The following C2CD5 variants were observed in gnomAD, a reference collection of about 807,000 sequenced individuals.
The protein encoded by C2CD5 is C2 domain-containing protein 5.
C2CD5 carries 109 observed loss-of-function variants against 130.3 expected under a neutral mutation model. The ratio of observed to expected loss-of-function variants is 0.84; its 90% CI spans 0.72 to 0.98. The LOEUF is 0.98. Among genes scored for constraint, C2CD5 ranks in the 50% least tolerant of loss-of-function variants. The probability of loss-of-function intolerance (pLI) is 0.00; values close to 1 mark genes in which losing one functional copy is unlikely to be tolerated. For missense variants in C2CD5, 996 were observed against 1,261.8 expected, an observed-to-expected ratio of 0.79 and a Z score of 3.19; for synonymous variants, 454 against 429.2, an observed-to-expected ratio of 1.06 and a Z score of -0.71.
chr12:22,537,277 G>C (rs1354524117), intron 2 of C2CD5, among the ~76,000 whole-genome samples: 1 of 152,166 alleles, frequency 6.6e-6, no homozygotes, highest in Non-Finnish European at 1.5e-5. Context: ...CAGCCAGGCA[G>C]GGTGGTGCGT....
intron 10 of C2CD5, among the ~76,000 whole-genome samples, chr12:22,504,275 A>C (rs931178572): frequency 6.6e-6 from 1 of 151,870 alleles, no homozygotes; most frequent in African/African-American, 2.4e-5. Context: ...ACATGGAAGC[A>C]ACAAAATAAA....
intron 5 of C2CD5, 92 bp downstream of exon 5, chr12:22,525,518 G>T: frequency 1.3e-6 from 1 of 762,010 alleles, no homozygotes; most frequent in Non-Finnish European, 2.3e-6. Flanking sequence ...AAGTACAATA[G>T]CTTTTCTACT....
At chr12:22,500,805 T>C (rs1591862274) in intron 10 of C2CD5, among the ~76,000 whole-genome samples, 1 of 148,146 alleles carries the variant, frequency 6.8e-6, no homozygotes, top group East Asian at 1.9e-4. Context: ...ATATTTAATA[T>C]GGTGGTATAT....
chr12:22,467,173 T>A (rs1942215629), intron 22 of C2CD5, among the ~76,000 whole-genome samples: 1 of 151,748 alleles, frequency 6.6e-6, no homozygotes, highest in Non-Finnish European at 1.5e-5. Context: ...GAAATCATTT[T>A]TTATTCTGTT....
rs78258208 is a variant in C2CD5 at position 22,504,988 on chromosome 12, A to G, written c.1147+1723T>C. On this transcript the variant is annotated intron_variant, in intron 10 of 26. Coordinates refer to ENST00000446597, the MANE Select transcript of C2CD5 (RefSeq NM_001286176.2). ...AAAAAAACTAAAGAAGGGGAAAAAAAGAGAAAACCAGTGCTTAGAAGATGC... is the reference window on the plus strand; with the variant it reads ...AAAAAAACTAAAGAAGGGGAAAAAAGGAGAAAACCAGTGCTTAGAAGATGC... 6.4e-3 allele frequency among the ~76,000 whole-genome samples: 979 copies of G among 152,254 alleles called. 12 individuals carry two copies. The highest frequency in any genetic ancestry group is 0.023 in the African/African-American group (938 of 41,546).
chr12:22,502,188 A>G (rs2136641682), intron 10 of C2CD5, among the ~76,000 whole-genome samples: 1 of 152,218 alleles, frequency 6.6e-6, no homozygotes, highest in Middle Eastern at 3.4e-3. Flanking sequence ...TGGAAAGGGA[A>G]GGAGGAAAGT....
chr12:22,489,235 A>T (rs1389520742), intron 12 of C2CD5, among the ~76,000 whole-genome samples: 1 of 151,850 alleles, frequency 6.6e-6, no homozygotes, highest in South Asian at 2.1e-4. Flanking sequence ...GGAAGTAAAT[A>T]GGCACACTGT....
At chr12:22,493,124 C>G in intron 11 of C2CD5, 99 bp downstream of exon 11, 1 of 688,132 alleles carries the variant, frequency 1.5e-6, no homozygotes, top group Non-Finnish European at 2.5e-6. Context: ...CTCCTGAACA[C>G]TTCGCTATTC....
intron 7 of C2CD5, among the ~76,000 whole-genome samples, chr12:22,519,589 T>G (rs922956729): frequency 6.6e-6 from 1 of 152,140 alleles, no homozygotes; most frequent in African/African-American, 2.4e-5. Flanking sequence ...TAGAACTTAC[T>G]ATGCACTATT....
chr12:22,518,592 C>T (rs773021809), intron 7 of C2CD5, among the ~76,000 whole-genome samples: 9 of 152,086 alleles, frequency 5.9e-5, no homozygotes, highest in Non-Finnish European at 1.0e-4. Context: ...AGTGCCACAG[C>T]TAAAAACACA....
intron 3 of C2CD5, among the ~76,000 whole-genome samples, chr12:22,533,712 G>A (rs1273386541): frequency 6.6e-6 from 1 of 152,158 alleles, no homozygotes; most frequent in East Asian, 1.9e-4. Flanking sequence ...AAGAGACCTG[G>A]GTGAGGAGAT....
intron 15 of C2CD5, among the ~76,000 whole-genome samples, chr12:22,476,867 A>T (rs1943915844): frequency 6.6e-6 from 1 of 152,080 alleles, no homozygotes; most frequent in South Asian, 2.1e-4. Flanking sequence ...TTTACAAATC[A>T]TTTTTCCCAA....
intron 2 of C2CD5, among the ~76,000 whole-genome samples, chr12:22,541,316 C>T (rs1385433999): frequency 6.6e-6 from 1 of 152,158 alleles, no homozygotes; most frequent in African/African-American, 2.4e-5. Flanking sequence ...ATAACATTAC[C>T]TGTTATTTGA....
intron 24 of C2CD5, among the ~76,000 whole-genome samples, chr12:22,458,122 C>CTAAATAA (rs1940333819): frequency 1.3e-5 from 2 of 152,114 alleles, no homozygotes; most frequent in Admixed American, 1.3e-4. Context: ...CTGCATATCA[C>CTAAATAA]ACTTAATAAA....
intron 24 of C2CD5, among the ~76,000 whole-genome samples, 191 bp from the exon 25 acceptor site, chr12:22,457,352 G>A (rs1940111768): frequency 1.3e-5 from 2 of 152,118 alleles, no homozygotes; most frequent in South Asian, 4.1e-4. Flanking sequence ...AGGAAATGCT[G>A]GAATGGAATT....
At chr12:22,534,261 T>G (rs570988638) in intron 3 of C2CD5, among the ~76,000 whole-genome samples, 1 of 152,138 alleles carries the variant, frequency 6.6e-6, no homozygotes, top group Non-Finnish European at 1.5e-5. Flanking sequence ...ATCCATGACC[T>G]ACATATAGGA....
Position 22,508,945 on chromosome 12 carries a change from C to T in C2CD5, c.1039-2126G>A, listed in dbSNP as rs1002459554. 3.3e-5 allele frequency among the ~76,000 whole-genome samples: 5 copies of T among 151,062 alleles called. No individual in the cohort carries two copies. The East Asian group carries it at 5.9e-4, about 18-fold the overall frequency. ...ACTGCGGACTGCAGTGGCGCAATCT[C>T]GGCTCACTGCAAGCTCCGCTTCCCG... On this transcript the variant is annotated intron_variant, in intron 9 of 26. Transcript: ENST00000446597.
rs1373419080 is a variant in C2CD5, at chr12:22,448,692, TG to T, written c.*1067del. ...GACTCTTAAGGGCAGTTTGTTGTCCTGGGGGAAAAAATCATAAGTGTTATAA... is the reference window on the plus strand; with the variant it reads ...GACTCTTAAGGGCAGTTTGTTGTCCTGGGGAAAAAATCATAAGTGTTATAA... On this transcript the variant is annotated 3_prime_UTR_variant, in exon 27 of 27. Transcript: ENST00000446597. 1 of 152,522 alleles carries T rather than the reference TG, an allele frequency of 6.6e-6. No homozygotes were observed. Among genetic ancestry groups the T allele is most frequent in the Non-Finnish European group, 1.5e-5 (1 of 68,004 alleles). 9.4% of individuals were successfully genotyped at this position (152,522 alleles called of 1,614,324 possible). A position where few individuals can be genotyped will look rare whatever the true frequency, so the allele number is the denominator to read the frequency against.
At chr12:22,493,006 T>C (rs960461790) in intron 11 of C2CD5, among the ~76,000 whole-genome samples, 2 of 152,178 alleles carry the variant, frequency 1.3e-5, no homozygotes, top group Non-Finnish European at 2.9e-5. Context: ...TCCATTTTAA[T>C]GTACAAATTG....
Sources: allele counts gnomAD v4.1 joint callset (sites outside exome capture counted in the v4.1 genomes callset), GRCh38; gene constraint gnomAD v4.1.1; transcripts MANE v1.5; gene names NCBI Gene and HGNC (gene_info 2026-07-23, HGNC 2026-07-21).